The following LINGO2 variants were observed in gnomAD, a reference collection of about 807,000 sequenced individuals.
LINGO2 encodes the protein leucine rich repeat and Ig domain containing 2.
Under a neutral mutation model 30.6 loss-of-function variants are expected in LINGO2, and 14 were observed. The ratio of observed to expected loss-of-function variants is 0.46; its 90% CI spans 0.30 to 0.72. The LOEUF is 0.72. LINGO2 is among the 30% of genes least tolerant of loss of function. LINGO2 has a pLI of 0.07. For synonymous variants in LINGO2, 317 were observed against 288.5 expected, an observed-to-expected ratio of 1.10 and a Z score of -1.00; for missense variants, 729 against 751.7, an observed-to-expected ratio of 0.97 and a Z score of 0.35.
At chr9:29,010,702 G>A in the LINGO2 span, among the ~76,000 whole-genome samples, 2 of 151,798 alleles carry the variant, frequency 1.3e-5, no homozygotes, top group African/African-American at 4.8e-5. Context: ...ATTTTTTCTT[G>A]CAAATTAAGT....
At chr9:28,000,272 A>C (rs1272317222) in intron 5 of LINGO2, among the ~76,000 whole-genome samples, 1 of 152,172 alleles carries the variant, frequency 6.6e-6, no homozygotes, top group Admixed American at 6.5e-5. Context: ...AAGTTTTCCC[A>C]CTGAAAGAAC....
the LINGO2 span, among the ~76,000 whole-genome samples, chr9:28,986,664 T>C: frequency 6.6e-6 from 1 of 152,004 alleles, no homozygotes; most frequent in Non-Finnish European, 1.5e-5. Context: ...AAACCCATTG[T>C]TAATTGAAAA....
chr9:28,370,960 T>C (rs1180443297), intron 3 of LINGO2, among the ~76,000 whole-genome samples: 1 of 152,222 alleles, frequency 6.6e-6, no homozygotes, highest in African/African-American at 2.4e-5. Flanking sequence ...AAGAAGGGCA[T>C]GAGTATACCT....
chr9:28,479,573 G>A (rs1825857238), intron 1 of LINGO2, among the ~76,000 whole-genome samples: 1 of 151,754 alleles, frequency 6.6e-6, no homozygotes, highest in Admixed American at 6.6e-5. Flanking sequence ...TTGAAAGAAT[G>A]AAATAAAATA....
intron 4 of LINGO2, among the ~76,000 whole-genome samples, chr9:28,271,623 GCCTTCT>G (rs937077194): frequency 6.6e-5 from 10 of 152,146 alleles, no homozygotes; most frequent in African/African-American, 2.4e-4. Flanking sequence ...CCAAGAATCA[GCCTTCT>G]AAGATGACAA....
chr9:28,622,659 G>A (rs947679655), intron 1 of LINGO2, among the ~76,000 whole-genome samples: 1 of 151,910 alleles, frequency 6.6e-6, no homozygotes. Flanking sequence ...AACAAACACA[G>A]GAGTGCAGAC....
intron 1 of LINGO2, among the ~76,000 whole-genome samples, chr9:28,667,343 TCTC>T (rs1454222610): frequency 1.3e-5 from 2 of 152,088 alleles, no homozygotes; most frequent in African/African-American, 4.8e-5. Flanking sequence ...TAAAATCTAA[TCTC>T]CTTTTCACCT....
the LINGO2 span, among the ~76,000 whole-genome samples, chr9:29,063,543 G>A: frequency 1.3e-5 from 2 of 151,710 alleles, no homozygotes; most frequent in Non-Finnish European, 2.9e-5. Flanking sequence ...GGATTACAGA[G>A]GTCTGCCACC....
At chr9:28,924,529 C>A in the LINGO2 span, among the ~76,000 whole-genome samples, 2 of 151,978 alleles carry the variant, frequency 1.3e-5, no homozygotes, top group Non-Finnish European at 2.9e-5. Flanking sequence ...CCTTATTCTT[C>A]CTATCAGAAA....
chr9:27,951,294 G>GCAT lies in LINGO2; in HGVS notation c.-35-591_-35-589dup, dbSNP rs780933185. 5.3e-5 allele frequency among the ~76,000 whole-genome samples: 8 copies of GCAT among 152,172 alleles called. No individual in the cohort carries two copies. In the East Asian group the frequency reaches 7.7e-4, roughly 15 times the overall value. On this transcript the variant is annotated intron_variant, in intron 5 of 5. Coordinates refer to ENST00000379992, the Ensembl canonical transcript of LINGO2. ...TTTTAACCTTTGAATTTTAATGTACGCATCTTTCATCACTTAGCAAACTTT... is the reference window on the plus strand; with the variant it reads ...TTTTAACCTTTGAATTTTAATGTACGCATCATCTTTCATCACTTAGCAAACTTT...
At chr9:28,634,905 G>C (rs977255760) in intron 1 of LINGO2, among the ~76,000 whole-genome samples, 2 of 152,088 alleles carry the variant, frequency 1.3e-5, no homozygotes, top group African/African-American at 4.8e-5. Flanking sequence ...CCAATAAAAG[G>C]TTTACGATGT....
At chr9:28,066,475 A>G (rs1825316859) in intron 4 of LINGO2, among the ~76,000 whole-genome samples, 2 of 152,104 alleles carry the variant, frequency 1.3e-5, no homozygotes, top group Non-Finnish European at 2.9e-5. Flanking sequence ...GGTCCTGAAG[A>G]TGTATCATGA....
chr9:28,647,143 C>A (rs1343565490), intron 1 of LINGO2, among the ~76,000 whole-genome samples: 1 of 152,070 alleles, frequency 6.6e-6, no homozygotes, highest in Non-Finnish European at 1.5e-5. Flanking sequence ...GGAGAATATG[C>A]AAATCCCATT....
rs139808418 is a variant in LINGO2, at chr9:28,354,860, C to T, written c.-246+17976G>A. Among the ~76,000 whole-genome samples, 227 of 152,226 alleles carry T rather than the reference C, an allele frequency of 1.5e-3. 1 individual carries two copies. Among genetic ancestry groups the T allele is most frequent in the African/African-American group, 5.3e-3 (220 of 41,562 alleles). The stretch of plus-strand genomic sequence containing the variant: ...GTATGTTGTTGTCAGCAGCTAAGAG[C>T]AGCCAAATAAAACCTAGTGATATCA... On this transcript the variant is annotated intron_variant, in intron 3 of 5. Transcript: ENST00000379992.
the LINGO2 span, among the ~76,000 whole-genome samples, chr9:28,899,345 A>T: frequency 6.6e-6 from 1 of 152,140 alleles, no homozygotes; most frequent in Non-Finnish European, 1.5e-5. Context: ...TGGCTGTCTC[A>T]GCCTCCAGTC....
At chr9:28,592,744 T>A (rs139164788) in intron 1 of LINGO2, among the ~76,000 whole-genome samples, 1 of 151,962 alleles carries the variant, frequency 6.6e-6, no homozygotes, top group Non-Finnish European at 1.5e-5. Flanking sequence ...GGAAAACACA[T>A]CTCCACATGC....
intron 1 of LINGO2, among the ~76,000 whole-genome samples, chr9:28,519,965 T>A (rs1043652150): frequency 2.6e-5 from 4 of 152,164 alleles, no homozygotes; most frequent in African/African-American, 9.7e-5. Flanking sequence ...TAAGGTTAAT[T>A]TTCCAGTTAA....
chr9:28,827,591 T>C, the LINGO2 span, among the ~76,000 whole-genome samples: 3 of 152,116 alleles, frequency 2.0e-5, no homozygotes, highest in Non-Finnish European at 4.4e-5. Context: ...TACTTGACAA[T>C]ACATATTTGT....
chr9:28,432,498 CCT>C (rs1327252195), intron 2 of LINGO2, among the ~76,000 whole-genome samples: 3 of 151,824 alleles, frequency 2.0e-5, no homozygotes, highest in Non-Finnish European at 4.4e-5. Flanking sequence ...CAAAACTTTC[CCT>C]GTTATTGCTC....
Sources: allele counts gnomAD v4.1 joint callset (sites outside exome capture counted in the v4.1 genomes callset), GRCh38; gene constraint gnomAD v4.1.1; transcripts MANE v1.5; gene names NCBI Gene and HGNC (gene_info 2026-07-23, HGNC 2026-07-21).